Variants in QKI observed in about 807,000 individuals in gnomAD.
QKI encodes the protein QKI, KH domain containing RNA binding.
Under a neutral mutation model 39.0 loss-of-function variants are expected in QKI, and 10 were observed. The observed-to-expected ratio is 0.26, with a 90% CI of 0.16 to 0.43. The LOEUF (loss-of-function observed/expected upper bound fraction) is 0.43, where lower values mean the gene tolerates loss of function less well. Among genes scored for constraint, QKI ranks in the 20% least tolerant of loss-of-function variants. The pLI is 1.00. For synonymous variants in QKI, 204 were observed against 155.4 expected, an observed-to-expected ratio of 1.31 and a Z score of -2.33; for missense variants, 218 against 428.0, an observed-to-expected ratio of 0.51 and a Z score of 4.33.
chr6:163,475,189 A>G (rs548506660), intron 2 of QKI, among the ~76,000 whole-genome samples: 4 of 152,308 alleles, frequency 2.6e-5, no homozygotes, highest in African/African-American at 7.2e-5. Flanking sequence ...AGATAAATAA[A>G]TGGAATAGAC....
At chr6:163,550,684 C>T (rs775867269) in intron 4 of QKI, among the ~76,000 whole-genome samples, 11 of 152,084 alleles carry the variant, frequency 7.2e-5, no homozygotes, top group East Asian at 3.9e-4. Flanking sequence ...TGGTGGCTGA[C>T]GCCTGTAATC....
intron 4 of QKI, among the ~76,000 whole-genome samples, chr6:163,553,062 T>A (rs575499010): frequency 4.2e-5 from 5 of 119,280 alleles, no homozygotes; most frequent in Non-Finnish European, 8.5e-5. Context: ...TTTTTTTAAT[T>A]TTTATTTATT....
intron 4 of QKI, among the ~76,000 whole-genome samples, chr6:163,542,675 G>T (rs1174016707): frequency 6.6e-6 from 1 of 151,934 alleles, no homozygotes; most frequent in Middle Eastern, 3.2e-3. Flanking sequence ...GAAATAACAG[G>T]TCTTTTTCTT....
At chr6:163,461,596 A>T (rs1162096578) in intron 2 of QKI, among the ~76,000 whole-genome samples, 2 of 152,202 alleles carry the variant, frequency 1.3e-5, no homozygotes, top group Non-Finnish European at 2.9e-5. Context: ...ATATCTACTC[A>T]TAGGTGTTCA....
intron 2 of QKI, among the ~76,000 whole-genome samples, chr6:163,475,663 A>G (rs887268979): frequency 6.6e-6 from 1 of 152,238 alleles, no homozygotes; most frequent in African/African-American, 2.4e-5. Context: ...TGACATTCGT[A>G]TATTTAATAA....
At chr6:163,489,259 G>A (rs1024962536) in intron 3 of QKI, among the ~76,000 whole-genome samples, 4 of 151,746 alleles carry the variant, frequency 2.6e-5, no homozygotes, top group Middle Eastern at 3.4e-3. Context: ...AAGCAGGATC[G>A]TGTGTGGTTT....
intron 1 of QKI, chr6:163,415,946 A>T (rs1393465066): frequency 5.9e-6 from 3 of 508,958 alleles, no homozygotes; most frequent in Non-Finnish European, 1.2e-5. Flanking sequence ...GACCGAAATT[A>T]TGCTGGCGTA....
intron 3 of QKI, among the ~76,000 whole-genome samples, chr6:163,512,559 C>T (rs79545686): frequency 0.028 from 4,232 of 152,106 alleles, 190 homozygotes; most frequent in African/African-American, 0.096. Context: ...TCATACTGTT[C>T]ACACAACTCC....
At chr6:163,477,937 T>C (rs1029680011) in intron 2 of QKI, among the ~76,000 whole-genome samples, 1 of 152,218 alleles carries the variant, frequency 6.6e-6, no homozygotes, top group Non-Finnish European at 1.5e-5. Context: ...AGTACCTATT[T>C]GATTGAATAA....
At chr6:163,489,018 G>A (rs1337596401) in intron 3 of QKI, among the ~76,000 whole-genome samples, 3 of 105,026 alleles carry the variant, frequency 2.9e-5, no homozygotes, top group Non-Finnish European at 4.1e-5. Context: ...TAACAGTTTT[G>A]TGTGTGTATC....
At chr6:163,439,472 C>G (rs949276854) in intron 1 of QKI, among the ~76,000 whole-genome samples, 1 of 150,390 alleles carries the variant, frequency 6.6e-6, no homozygotes, top group Non-Finnish European at 1.5e-5. Flanking sequence ...CTCAGTCTCC[C>G]GAGTAGCTGG....
chr6:163,525,809 G>A (rs2128238895), intron 3 of QKI, among the ~76,000 whole-genome samples: 1 of 152,316 alleles, frequency 6.6e-6, no homozygotes, highest in East Asian at 1.9e-4. Context: ...CGGTTTAACT[G>A]AGTACATTGA....
chr6:163,552,202 CGTTCTTTTTTTTT>C (rs2128246700), intron 4 of QKI, among the ~76,000 whole-genome samples: 1 of 123,608 alleles, frequency 8.1e-6, no homozygotes, highest in African/African-American at 3.0e-5. Context: ...AAAGTTCGTT[CGTTCTTTTTTTTT>C]TTTTTTTTTT....
intron 3 of QKI, among the ~76,000 whole-genome samples, chr6:163,484,858 A>T (rs1793345264): frequency 6.6e-6 from 1 of 152,188 alleles, no homozygotes; most frequent in Non-Finnish European, 1.5e-5. Context: ...GAATTACCAA[A>T]ATGTGGCTTG....
rs1030195383 is a variant in QKI, at chr6:163,465,606, G to T, written c.285+10185G>T. On this transcript the variant is annotated intron_variant, in intron 2 of 7. Transcript: ENST00000361752. ...ATTGCACCATTGCACTCCAGCCTGG[G>T]CAACAGAGCAAGACTGTCTCAAAAA... Among the ~76,000 whole-genome samples, 21 of 145,210 alleles carry T rather than the reference G, an allele frequency of 1.4e-4. 1 individual carries two copies. Among genetic ancestry groups the T allele is most frequent in the Admixed American group, 7.6e-4 (11 of 14,560 alleles).
intron 3 of QKI, among the ~76,000 whole-genome samples, chr6:163,505,295 G>C (rs115995416): frequency 0.04 from 6,154 of 152,288 alleles, 136 homozygotes; most frequent in African/African-American, 0.063. Flanking sequence ...CCCCCACACA[G>C]AGTCCCCACT....
chr6:163,568,303 C>T (rs1025229098), intron 7 of QKI: 1 of 984,800 alleles, frequency 1.0e-6, no homozygotes, highest in Non-Finnish European at 1.2e-6. Context: ...GATTTCTCAC[C>T]ATTTTGCTTT....
At chr6:163,415,471 G>A (rs1787370632) in intron 1 of QKI, 136 bp downstream of exon 1, 1 of 813,628 alleles carries the variant, frequency 1.2e-6, no homozygotes, top group South Asian at 3.1e-5. Flanking sequence ...GGCCAGGAGG[G>A]CGCACAAAGG....
chr6:163,530,934 T>C (rs1243027330), intron 3 of QKI, among the ~76,000 whole-genome samples: 1 of 152,202 alleles, frequency 6.6e-6, no homozygotes, highest in African/African-American at 2.4e-5. Flanking sequence ...CCCTCTGCTT[T>C]CTTTTTCTTT....
Sources: allele counts gnomAD v4.1 joint callset (sites outside exome capture counted in the v4.1 genomes callset), GRCh38; gene constraint gnomAD v4.1.1; transcripts MANE v1.5; gene names NCBI Gene and HGNC (gene_info 2026-07-23, HGNC 2026-07-21).